The following TMED8 variants were observed in gnomAD, a reference collection of about 807,000 sequenced individuals.
The protein encoded by TMED8 is protein TMED8.
TMED8 carries 15 observed loss-of-function variants against 32.7 expected under a neutral mutation model. That is an observed-to-expected ratio of 0.46 (90% CI 0.31 to 0.71). The LOEUF is 0.71. TMED8 is among the 30% of genes least tolerant of loss of function. TMED8 has a pLI of 0.06. For missense variants in TMED8, 390 were observed against 423.9 expected, an observed-to-expected ratio of 0.92 and a Z score of 0.70; for synonymous variants, 147 against 161.4, an observed-to-expected ratio of 0.91 and a Z score of 0.68.
intron 2 of TMED8, among the ~76,000 whole-genome samples, 178 bp from the exon 3 acceptor site, chr14:77,346,656 A>G (rs1341392082): frequency 6.6e-6 from 1 of 151,990 alleles, no homozygotes; most frequent in African/African-American, 2.4e-5. Context: ...GGTCCACAGT[A>G]AAGTGTTGAC....
intron 2 of TMED8, among the ~76,000 whole-genome samples, chr14:77,351,322 T>G (rs895077185): frequency 4.0e-5 from 6 of 148,542 alleles, no homozygotes; most frequent in Non-Finnish European, 7.4e-5. Flanking sequence ...CCGTCTCTAC[T>G]AAAAAATACA....
At chr14:77,352,726 G>A (rs1472885760) in intron 1 of TMED8, among the ~76,000 whole-genome samples, 4 of 152,162 alleles carry the variant, frequency 2.6e-5, no homozygotes, top group East Asian at 1.9e-4. Flanking sequence ...GCGACAGAGC[G>A]AGACTCCAAC....
At chr14:77,347,004 G>A (rs1307229107) in intron 2 of TMED8, among the ~76,000 whole-genome samples, 2 of 151,954 alleles carry the variant, frequency 1.3e-5, no homozygotes, top group African/African-American at 2.4e-5. Flanking sequence ...TTGTCACCAT[G>A]TTGTACAAAG....
intron 1 of TMED8, among the ~76,000 whole-genome samples, chr14:77,364,831 G>A (rs1199365177): frequency 6.6e-6 from 1 of 152,120 alleles, no homozygotes; most frequent in African/African-American, 2.4e-5. Flanking sequence ...TCTACTAGGA[G>A]TGGATATCCG....
chr14:77,357,094 C>T lies in TMED8; in HGVS notation c.119-5343G>A, dbSNP rs562203427. On this transcript the variant is annotated intron_variant, in intron 1 of 5. Coordinates refer to ENST00000216468, the MANE Select transcript of TMED8 (RefSeq NM_213601.3). ...TCAAGTACTCAATAGCCATGAGTTG[C>T]TAATGGCTACTGTTGCCAGGGAGCA... Among the ~76,000 whole-genome samples, 174 of 152,328 alleles carry T rather than the reference C, an allele frequency of 1.1e-3. No homozygotes were observed. In the Middle Eastern group the frequency reaches 0.02, roughly 18 times the overall value.
rs1026540821 is a variant in TMED8 at position 77,337,227 on chromosome 14, A to C, written c.*4544T>G. 14 of 152,212 alleles carry C rather than the reference A, an allele frequency of 9.2e-5. No individual in the cohort carries two copies. The highest frequency in any genetic ancestry group is 8.5e-4 in the Admixed American group (13 of 15,282). 9.4% of individuals were successfully genotyped at this position (152,212 alleles called of 1,614,324 possible). On this transcript the variant is annotated 3_prime_UTR_variant, in exon 6 of 6. Transcript: ENST00000216468. ...GTTTTAATATCAGAGTCCTGAGGAC[A>C]TGTCATCAAGCAACAGAGGTTAGCA...
chr14:77,365,640 C>T (rs894686969), intron 1 of TMED8, among the ~76,000 whole-genome samples: 1 of 152,180 alleles, frequency 6.6e-6, no homozygotes, highest in Non-Finnish European at 1.5e-5. Context: ...AGCCACAGGT[C>T]CCAGTGATTT....
chr14:77,343,464 A>C lies in TMED8; in HGVS notation c.474T>G (p.Ala158=). The change falls in exon 5 of 6, where the codon GCT becomes GCG. Residue 158 remains alanine (A), a synonymous_variant. Coordinates refer to ENST00000216468, the MANE Select transcript of TMED8 (RefSeq NM_213601.3). ...DHRKVSPPLM[A]PPCIWTFAKV... ...TGGCAAAGGTCCAGATGCATGGAGG[A>C]GCCATCAGAGGTGGGGAGACTGAAA... The C allele has an allele frequency of 6.2e-7, 1 of 1,613,586 alleles. No homozygotes were observed. The highest frequency in any genetic ancestry group is 8.5e-7 in the Non-Finnish European group (1 of 1,179,786).
rs1893815808 is a variant in TMED8, at chr14:77,376,412, C to G, written c.118+524G>C. ...AGAGGATGGCAGCAAGGCCAGGGGG[C>G]CTATGTGCAGGAAGGCTAGGGCGCA... is the stretch of plus-strand genomic sequence containing the variant. On this transcript the variant is annotated intron_variant, in intron 1 of 5. Coordinates refer to ENST00000216468, the MANE Select transcript of TMED8 (RefSeq NM_213601.3). The surrounding 1 kb of genome is among the most constrained non-coding windows in gnomAD (Gnocchi z 4.0). Among the ~76,000 whole-genome samples, 1 of 152,246 alleles carries G rather than the reference C, an allele frequency of 6.6e-6. No homozygotes were observed. The highest frequency in any genetic ancestry group is 2.1e-4 in the South Asian group (1 of 4,838).
rs552153733 is a variant in TMED8 at position 77,347,998 on chromosome 14, G to A, written c.198-1520C>T. ...CAAGAGTGTGCAGTGGAATTTTCCA[G>A]AGACTATATGACATGTGATACCGCA... On this transcript the variant is annotated intron_variant, in intron 2 of 5. Transcript: ENST00000216468. 1.1e-4 allele frequency among the ~76,000 whole-genome samples: 17 copies of A among 152,242 alleles called. No individual in the cohort carries two copies. In the South Asian group the frequency reaches 1.5e-3, roughly 13 times the overall value.
At chr14:77,356,210 T>C (rs1448267757) in intron 1 of TMED8, among the ~76,000 whole-genome samples, 3 of 152,132 alleles carry the variant, frequency 2.0e-5, no homozygotes, top group Non-Finnish European at 1.5e-5. Flanking sequence ...GAAAAGAAGA[T>C]ACAGAGCTAA....
rs777855396 is a variant in TMED8, at chr14:77,351,701, C to T, written c.169G>A (p.Asp57Asn). 1.2e-5 allele frequency: 19 copies of T among 1,612,976 alleles called. No individual in the cohort carries two copies. The highest frequency in any genetic ancestry group is 2.2e-5 in the East Asian group (1 of 44,806). The part of the protein sequence containing the change: ...KDTSLLASAT[D>N]PEPCSSPHRP... ...TGGGGTGAGGAGCAGGGTTCTGGATCGGTGGCAGAAGCCAATAAAGAGGTA... is the reference window on the plus strand; with the variant it reads ...TGGGGTGAGGAGCAGGGTTCTGGATTGGTGGCAGAAGCCAATAAAGAGGTA... Residue 57 changes from aspartate to asparagine, a missense_variant, in exon 2 of 6, where the codon GAT (aspartate) becomes AAT (asparagine). Coordinates refer to ENST00000216468, the MANE Select transcript of TMED8 (RefSeq NM_213601.3).
At chr14:77,357,938 A>T (rs1380171614) in intron 1 of TMED8, among the ~76,000 whole-genome samples, 1 of 152,058 alleles carries the variant, frequency 6.6e-6, no homozygotes, top group Non-Finnish European at 1.5e-5. Flanking sequence ...AGCCTGGCCA[A>T]CATGGTGAAA....
At chr14:77,358,038 C>T (rs1449296812) in intron 1 of TMED8, among the ~76,000 whole-genome samples, 2 of 148,708 alleles carry the variant, frequency 1.3e-5, no homozygotes, top group African/African-American at 2.5e-5. Flanking sequence ...GCATGAGAAT[C>T]GCTGGAACCT....
chr14:77,369,997 C>A (rs1043114715), intron 1 of TMED8, among the ~76,000 whole-genome samples: 4 of 152,102 alleles, frequency 2.6e-5, no homozygotes, highest in Non-Finnish European at 5.9e-5. Context: ...CATGGTGAAA[C>A]CCCATCTCTA....
intron 1 of TMED8, among the ~76,000 whole-genome samples, chr14:77,366,005 C>T (rs1008030578): frequency 3.3e-5 from 5 of 152,164 alleles, no homozygotes; most frequent in African/African-American, 7.2e-5. Flanking sequence ...GTTTTTAGTT[C>T]GCCCATGCTG....
intron 1 of TMED8, among the ~76,000 whole-genome samples, chr14:77,372,066 T>C (rs1293417487): frequency 1.3e-5 from 2 of 152,204 alleles, no homozygotes; most frequent in Admixed American, 1.3e-4. Flanking sequence ...TATTCTCCAG[T>C]GTGGCAAAGT....
At chr14:77,371,698 T>C (rs747004053) in intron 1 of TMED8, among the ~76,000 whole-genome samples, 2 of 152,184 alleles carry the variant, frequency 1.3e-5, no homozygotes, top group Non-Finnish European at 2.9e-5. Context: ...GAGAGAATTA[T>C]GAGCACAGCC....
At chr14:77,375,110 C>A (rs541286971) in intron 1 of TMED8, among the ~76,000 whole-genome samples, 1 of 152,206 alleles carries the variant, frequency 6.6e-6, no homozygotes, top group Admixed American at 6.5e-5. Flanking sequence ...CCACCTCTGG[C>A]ACAGAATAAG....
Sources: gnomAD v4.1 joint callset for allele counts (sites outside exome capture counted in the v4.1 genomes callset) on GRCh38, gnomAD v4.1.1 for gene constraint, Gnocchi (gnomAD v3.1) non-coding constraint, MANE v1.5 for transcripts, NCBI Gene and HGNC (gene_info 2026-07-23, HGNC 2026-07-21) for gene names.